ARHGEF1: variants seen among roughly 807,000 people sequenced by gnomAD.
ARHGEF1 encodes the protein Rho guanine nucleotide exchange factor 1, also known as 115 kDa guanine nucleotide exchange factor.
A neutral mutation model predicts 119.7 loss-of-function variants in ARHGEF1; 40 were observed. The observed-to-expected ratio is 0.33, with a 90% CI of 0.26 to 0.44. The LOEUF (loss-of-function observed/expected upper bound fraction) is 0.44, where lower values mean the gene tolerates loss of function less well. ARHGEF1 is among the 20% of genes least tolerant of loss of function. ARHGEF1 has a pLI of 1.00. For synonymous variants in ARHGEF1, 494 were observed against 521.0 expected, an observed-to-expected ratio of 0.95 and a Z score of 0.71; for missense variants, 976 against 1,268.3, an observed-to-expected ratio of 0.77 and a Z score of 3.50.
rs1219581394 is a variant in ARHGEF1, at chr19:41,907,100, C to T, written c.*18-5C>T. ...CCGTCTCCCCTCTTCTCCTACATCCCCCAGGCCTTTTGCAAGAAGGAGAGG... is the reference window on the plus strand; with the variant it reads ...CCGTCTCCCCTCTTCTCCTACATCCTCCAGGCCTTTTGCAAGAAGGAGAGG... On this transcript the variant is annotated splice_polypyrimidine_tract_variant and splice_region_variant and intron_variant, in intron 28 of 28. Coordinates refer to ENST00000354532, the MANE Select transcript of ARHGEF1 (RefSeq NM_004706.4). The T allele has an allele frequency of 6.6e-7, 1 of 1,514,564 alleles. No individual in the cohort carries two copies. The highest frequency in any genetic ancestry group is 1.4e-5 in the African/African-American group (1 of 72,472). 93.8% of individuals were successfully genotyped at this position (1,514,564 alleles called of 1,614,324 possible).
At chr19:41,897,764 C>G (rs2123469936) in intron 13 of ARHGEF1, 1 of 539,490 alleles carries the variant, frequency 1.9e-6, no homozygotes, top group Middle Eastern at 5.1e-4. Context: ...CGTCTCTGTC[C>G]CTGTCCTCGT....
Position 41,902,890 on chromosome 19 carries a change from A to G in ARHGEF1, c.1730A>G (p.Gln577Arg), listed in dbSNP as rs781992090. 4 of 1,602,444 alleles carry G rather than the reference A, an allele frequency of 2.5e-6. No homozygotes were observed. Among genetic ancestry groups the G allele is most frequent in the Non-Finnish European group, 3.4e-6 (4 of 1,174,222 alleles). ...KYPLLLQSIGQNTEEPTEREK... is the reference protein window; with the variant it reads ...KYPLLLQSIGRNTEEPTEREK... ...CCCCTGCTCCTGCAGAGCATCGGGCAGAACACAGGTACCGCGGGCCTGGAT... is the reference window on the plus strand; with the variant it reads ...CCCCTGCTCCTGCAGAGCATCGGGCGGAACACAGGTACCGCGGGCCTGGAT... Residue 577 changes from glutamine to arginine, a missense_variant, in exon 18 of 29, where the codon CAG becomes CGG. By Grantham distance (43) the Gln-to-Arg change is conservative. Around this residue, in one of 3 missense-constraint regions of ARHGEF1, gnomAD observed 286 missense variants for 506.8 expected, o/e 0.56. Transcript: ENST00000354532. This position sits in a 1 kb window ranked among gnomAD's most constrained non-coding sequence, Gnocchi z 6.5.
At chr19:41,912,126 G>A (rs536932519), downstream of ARHGEF1, among the ~76,000 whole-genome samples, 1 of 152,136 alleles carries the variant, frequency 6.6e-6, no homozygotes, top group African/African-American at 2.4e-5. Flanking sequence ...ATGCGGACAC[G>A]CCCAGCCCAG....
intron 1 of ARHGEF1, among the ~76,000 whole-genome samples, chr19:41,924,467 C>T (rs1425250820): frequency 2.0e-5 from 3 of 152,044 alleles, no homozygotes; most frequent in African/African-American, 7.3e-5. Flanking sequence ...GTGTCTGTCA[C>T]AGAGATGGAT....
At chr19:41,897,101 C>G in intron 13 of ARHGEF1, 1 of 361,642 alleles carries the variant, frequency 2.8e-6, no homozygotes, top group South Asian at 1.9e-5. Context: ...CTGCCCCCCA[C>G]CCCCCGCCTC....
At chr19:41,907,453 G>GAT, downstream of ARHGEF1, 2 of 1,498,550 alleles carry the variant, frequency 1.3e-6, no homozygotes, top group Non-Finnish European at 1.8e-6. Context: ...TCTAAGAAGA[G>GAT]ATCTGTGTGT....
At position 41,883,344 on chromosome 19, in the gene ARHGEF1, GGGA is replaced by G; in HGVS notation, c.-20+64_-20+66del. 6.3e-6 allele frequency: 1 copy of G among 159,874 alleles called. No individual in the cohort carries two copies. The highest frequency in any genetic ancestry group is 1.4e-5 in the Non-Finnish European group (1 of 71,150). 9.9% of individuals were successfully genotyped at this position (159,874 alleles called of 1,614,324 possible). ...CTCCCCTCGGCTGTTGGGGGAAGTG[GGGA>G]GGAGGAGGGAGGGGCTGGGGCGCTG... is the stretch of plus-strand genomic sequence containing the variant. On this transcript the variant is annotated intron_variant, in intron 1 of 28. Coordinates refer to ENST00000354532, the MANE Select transcript of ARHGEF1 (RefSeq NM_004706.4). This position sits in a 1 kb window ranked among gnomAD's most constrained non-coding sequence, Gnocchi z 7.6.
In ARHGEF1 at chr19:41,889,015, G is replaced by C; in HGVS notation, c.225+150G>C. The C allele has an allele frequency of 1.5e-6, 1 of 682,250 alleles. No individual in the cohort carries two copies. The highest frequency in any genetic ancestry group is 2.4e-6 in the Non-Finnish European group (1 of 411,918). 42.3% of individuals were successfully genotyped at this position (682,250 alleles called of 1,614,324 possible). ...AGATCTAGAAAGAGAGAATGCTTTA[G>C]ACAAGAGCCAGAAAGCATGCCACGT... On this transcript the variant is annotated intron_variant, in intron 4 of 28. Coordinates refer to ENST00000354532, the MANE Select transcript of ARHGEF1 (RefSeq NM_004706.4). The surrounding 1 kb of genome is among the most constrained non-coding windows in gnomAD (Gnocchi z 4.0).
At position 41,889,023 on chromosome 19, in the gene ARHGEF1, C is replaced by G. The variant is rs1444165631; in HGVS notation, c.225+158C>G. 1.5e-6 allele frequency: 1 copy of G among 656,848 alleles called. No homozygotes were observed. The highest frequency in any genetic ancestry group is 1.8e-5 in the African/African-American group (1 of 54,770). The allele number at this position is 656,848 out of a possible 1,614,324, so 40.7% of individuals were successfully genotyped here. On this transcript the variant is annotated intron_variant, in intron 4 of 28. Transcript: ENST00000354532. This position sits in a 1 kb window ranked among gnomAD's most constrained non-coding sequence, Gnocchi z 4.0. ...AAAGAGAGAATGCTTTAGACAAGAG[C>G]CAGAAAGCATGCCACGTGACCTCAA...
Position 41,906,998 on chromosome 19 carries a change from C to T in ARHGEF1, c.*18-107C>T. 1 of 1,159,928 alleles carries T rather than the reference C, an allele frequency of 8.6e-7. No homozygotes were observed. 71.9% of individuals were successfully genotyped at this position (1,159,928 alleles called of 1,614,324 possible). On this transcript the variant is annotated intron_variant, in intron 28 of 28. Coordinates refer to ENST00000354532, the MANE Select transcript of ARHGEF1 (RefSeq NM_004706.4). The surrounding 1 kb of genome is among the most constrained non-coding windows in gnomAD (Gnocchi z 4.5). The stretch of plus-strand genomic sequence containing the variant: ...CTGTCTCTGTGCCCGCCTGCCTCTC[C>T]CCACCTCCCCTTCTCTCTCTGCTCT...
chr19:41,894,092 C>T (rs1429026969), intron 8 of ARHGEF1, 115 bp from the exon 9 acceptor site: 11 of 654,524 alleles, frequency 1.7e-5, no homozygotes, highest in East Asian at 1.3e-4. Context: ...ATGGGAAGGC[C>T]GGGCCTCTGC....
rs1458608363 is a variant in ARHGEF1 at position 41,895,535 on chromosome 19, G to C, written c.1015+49G>C. The C allele has an allele frequency of 2.6e-6, 4 of 1,538,486 alleles. No individual in the cohort carries two copies. The African/African-American group carries it at 5.4e-5, about 21-fold the overall frequency. ...TCCATGAGGCCCGGCGATCCAGGGT[G>C]GGGGTGCTGCCTGCCCCCTTGGCAC... On this transcript the variant is annotated intron_variant, in intron 12 of 28. Coordinates refer to ENST00000354532, the MANE Select transcript of ARHGEF1 (RefSeq NM_004706.4).
rs118064708 is a variant in ARHGEF1, at chr19:41,905,457, C to T, written c.2336+196C>T. 2,188 of 620,056 alleles carry T rather than the reference C, an allele frequency of 3.5e-3. 16 individuals carry two copies. The highest frequency in any genetic ancestry group is 0.019 in the African/African-American group (1,037 of 54,040). 38.4% of individuals were successfully genotyped at this position (620,056 alleles called of 1,614,324 possible). On this transcript the variant is annotated intron_variant, in intron 24 of 28. Coordinates refer to ENST00000354532, the MANE Select transcript of ARHGEF1 (RefSeq NM_004706.4). The surrounding 1 kb of genome is among the most constrained non-coding windows in gnomAD (Gnocchi z 6.4). ...TAGTGTGTGTATGCATGCATGTGTGCGTGTGCATGTGTGTGCGTGTATGGT... is the reference window on the plus strand; with the variant it reads ...TAGTGTGTGTATGCATGCATGTGTGTGTGTGCATGTGTGTGCGTGTATGGT...
chr19:41,890,470 A>AC (rs1428246555), intron 4 of ARHGEF1: 1 of 151,538 alleles, frequency 6.6e-6, no homozygotes. Context: ...ACATGGTAAA[A>AC]CCCCGTCTCT....
Position 41,901,925 on chromosome 19 carries a change from C to G in ARHGEF1, c.1306C>G (p.Arg436Gly). The part of the protein sequence containing the change: ...VTEAAHVRML[R>G]VLHDLFFQPM... ...AGAGGCGGCCCACGTGCGCATGCTG[C>G]GGGTGCTGCACGACCTCTTCTTCCA... The change falls in exon 15 of 29, where the codon CGG becomes GGG. Residue 436 changes from arginine to glycine, a missense_variant. Around this residue, in one of 3 missense-constraint regions of ARHGEF1, gnomAD observed 286 missense variants for 506.8 expected, o/e 0.56. Coordinates refer to ENST00000354532, the MANE Select transcript of ARHGEF1 (RefSeq NM_004706.4). 5 of 1,613,090 alleles carry G rather than the reference C, an allele frequency of 3.1e-6. No individual in the cohort carries two copies. Among genetic ancestry groups the G allele is most frequent in the Non-Finnish European group, 4.2e-6 (5 of 1,180,024 alleles).
upstream of ARHGEF1, among the ~76,000 whole-genome samples, chr19:41,920,534 A>G (rs1253627393): frequency 2.0e-5 from 3 of 148,214 alleles, no homozygotes; most frequent in African/African-American, 7.8e-5. Flanking sequence ...GACATGATGC[A>G]CTCACAGACA....
downstream of ARHGEF1, chr19:41,908,930 C>G: frequency 1.8e-6 from 1 of 543,334 alleles, no homozygotes. This position sits in a 1 kb window ranked among gnomAD's most constrained non-coding sequence, Gnocchi z 6.7. Context: ...GGGTTTTACA[C>G]ACACACACCC....
chr19:41,896,429 C>T lies in ARHGEF1; in HGVS notation c.1068C>T (p.Ser356=). 1 of 1,477,808 alleles carries T rather than the reference C, an allele frequency of 6.8e-7. No homozygotes were observed. Among genetic ancestry groups the T allele is most frequent in the Non-Finnish European group, 9.0e-7 (1 of 1,115,352 alleles). 91.5% of individuals were successfully genotyped at this position (1,477,808 alleles called of 1,614,324 possible). A position where few individuals can be genotyped will look rare whatever the true frequency, so the allele number is the denominator to read the frequency against. ...ACTCATCCCCGCAGGGCCCAATGAG[C>T]CTGGAGTCCTTGGCGCCCCCAGAGA... ...LGDSSPQGPM[S]LESLAPPEST... Residue 356 remains serine, a synonymous_variant, in exon 13 of 29, where the codon AGC becomes AGT. Coordinates refer to ENST00000354532, the MANE Select transcript of ARHGEF1 (RefSeq NM_004706.4).
rs2123383658 is a variant in ARHGEF1, at chr19:41,889,635, G to C, written c.225+770G>C. 6.6e-6 allele frequency: 1 copy of C among 152,494 alleles called. No homozygotes were observed. Among genetic ancestry groups the C allele is most frequent in the Non-Finnish European group, 1.5e-5 (1 of 68,112 alleles). The allele number at this position is 152,494 out of a possible 1,614,324, so 9.4% of individuals were successfully genotyped here. A position where few individuals can be genotyped will look rare whatever the true frequency, so the allele number is the denominator to read the frequency against. ...GACAGCCAGGGCACTGCACCATGTG[G>C]ACATGCATAGTGGACCCCTCCAGAA... On this transcript the variant is annotated intron_variant, in intron 4 of 28. Transcript: ENST00000354532. This position sits in a 1 kb window ranked among gnomAD's most constrained non-coding sequence, Gnocchi z 4.0.
Sources: allele counts gnomAD v4.1 joint callset (sites outside exome capture counted in the v4.1 genomes callset), GRCh38; gene constraint gnomAD v4.1.1; regional missense constraint gnomAD v4.1.1; non-coding constraint Gnocchi (gnomAD v3.1); transcripts MANE v1.5; gene names NCBI Gene and HGNC (gene_info 2026-07-23, HGNC 2026-07-21).